The following C11orf65 variants were observed in gnomAD, a reference collection of about 807,000 sequenced individuals.
C11orf65 encodes the protein protein MFI.
C11orf65 carries 38 observed loss-of-function variants against 35.3 expected under a neutral mutation model. That is an observed-to-expected ratio of 1.08 (90% CI 0.83 to 1.41). C11orf65 has a LOEUF of 1.41. Ranked by LOEUF, C11orf65 falls within the 40% of genes most tolerant of loss-of-function variation. C11orf65 has a pLI of 0.00. For missense variants in C11orf65, 370 were observed against 367.1 expected, an observed-to-expected ratio of 1.01 and a Z score of -0.06; for synonymous variants, 105 against 114.4, an observed-to-expected ratio of 0.92 and a Z score of 0.53.
chr11:108,414,202 A>T (rs1048158253), intron 3 of C11orf65, among the ~76,000 whole-genome samples: 1 of 152,058 alleles, frequency 6.6e-6, no homozygotes, highest in African/African-American at 2.4e-5. Context: ...GATATTACAC[A>T]TTACTAATAT....
At chr11:108,354,786 G>T (rs749333397) in intron 2 of C11orf65, 1 of 1,600,878 alleles carries the variant, frequency 6.2e-7, no homozygotes, top group Non-Finnish European at 8.6e-7. Flanking sequence ...AACAAAATCC[G>T]TATTTATAAT....
downstream of C11orf65, among the ~76,000 whole-genome samples, chr11:108,326,638 A>G (rs2085710202): frequency 6.6e-6 from 1 of 152,216 alleles, no homozygotes; most frequent in South Asian, 2.1e-4. Context: ...CTTTGAAAAT[A>G]TCACATCTAA....
Position 108,450,624 on chromosome 11 carries a change from TG to T in C11orf65, c.81+10854del, listed in dbSNP as rs1309344902. Among the ~76,000 whole-genome samples, 8 of 74,592 alleles carry T rather than the reference TG, an allele frequency of 1.1e-4. 1 individual carries two copies. Among genetic ancestry groups the T allele is most frequent in the Admixed American group, 6.3e-4 (3 of 4,768 alleles). 48.9% of individuals were successfully genotyped at this position (74,592 alleles called of 152,430 possible). On this transcript the variant is annotated intron_variant, in intron 2 of 8. Coordinates refer to ENST00000393084, the MANE Select transcript of C11orf65 (RefSeq NM_152587.5). ...GAACATCACACTCCAGGGACTGTTG[TG>T]GGGTGGGGGGAGGGGGGAGGGATAG...
chr11:108,448,576 A>G (rs1259823971), intron 2 of C11orf65, among the ~76,000 whole-genome samples: 1 of 152,226 alleles, frequency 6.6e-6, no homozygotes, highest in Admixed American at 6.5e-5. Flanking sequence ...CTTTGACAAA[A>G]TTCAACAACC....
intron 2 of C11orf65, among the ~76,000 whole-genome samples, chr11:108,451,725 T>C (rs1324070349): frequency 6.6e-6 from 1 of 152,300 alleles, no homozygotes; most frequent in East Asian, 1.9e-4. Context: ...AGAACAAAGC[T>C]GGAGGCATCA....
chr11:108,312,323 T>G, intron 6 of C11orf65: 1 of 1,006,502 alleles, frequency 9.9e-7, no homozygotes, highest in South Asian at 1.4e-5. Flanking sequence ...CCTTCATTAG[T>G]TTTTTTCTGT....
chr11:108,426,611 C>T (rs879820134), intron 3 of C11orf65, among the ~76,000 whole-genome samples: 1 of 152,046 alleles, frequency 6.6e-6, no homozygotes, highest in Admixed American at 6.5e-5. Flanking sequence ...CCCCATCAAG[C>T]TACCATTGAC....
At chr11:108,445,173 T>G (rs1420023058) in intron 2 of C11orf65, among the ~76,000 whole-genome samples, 1 of 152,186 alleles carries the variant, frequency 6.6e-6, no homozygotes, top group South Asian at 2.1e-4. Context: ...GCTCCACCTC[T>G]GGGGGAAGGG....
chr11:108,346,193 C>G (rs1379354889), intron 2 of C11orf65, among the ~76,000 whole-genome samples: 5 of 152,006 alleles, frequency 3.3e-5, no homozygotes, highest in Non-Finnish European at 4.4e-5. Flanking sequence ...CATATTTTCT[C>G]TCCTCTCAAT....
At chr11:108,363,719 C>G (rs181166720) in intron 2 of C11orf65, among the ~76,000 whole-genome samples, 2 of 152,304 alleles carry the variant, frequency 1.3e-5, no homozygotes, top group Admixed American at 6.5e-5. Context: ...TTTACTGTTT[C>G]CAACCACTTC....
chr11:108,455,815 C>CAA (rs112701513), intron 2 of C11orf65, among the ~76,000 whole-genome samples: 6,568 of 55,976 alleles, frequency 0.12, 520 homozygotes, highest in Non-Finnish European at 0.14. Flanking sequence ...GACTCCACCT[C>CAA]AAAAAAAAAA....
At chr11:108,332,724 T>G (rs1228903980) in intron 3 of C11orf65, 1 of 1,597,856 alleles carries the variant, frequency 6.3e-7, no homozygotes. Flanking sequence ...AAATGTTGGG[T>G]AGTTCCTTAT....
intron 1 of C11orf65, among the ~76,000 whole-genome samples, chr11:108,466,959 C>T (rs1418720356): frequency 1.4e-5 from 2 of 139,732 alleles, no homozygotes; most frequent in Non-Finnish European, 3.1e-5. Flanking sequence ...TACCTGTGGT[C>T]CTTGATGCTA....
At chr11:108,340,165 A>C (rs1474284010) in intron 2 of C11orf65, 1 of 152,120 alleles carries the variant, frequency 6.6e-6, no homozygotes, top group Non-Finnish European at 1.5e-5. Flanking sequence ...TTTTCTTTTT[A>C]CTTTTATTAT....
chr11:108,413,167 G>A (rs1943651786), intron 3 of C11orf65, among the ~76,000 whole-genome samples: 3 of 152,032 alleles, frequency 2.0e-5, no homozygotes, highest in African/African-American at 4.8e-5. Context: ...CCACGTTCTG[G>A]GCCATAAAAC....
downstream of C11orf65, among the ~76,000 whole-genome samples, chr11:108,326,837 A>AT (rs2136352959): frequency 6.6e-6 from 1 of 151,978 alleles, no homozygotes; most frequent in South Asian, 2.1e-4. Context: ...TTATTTATTT[A>AT]TTTTTTGAGA....
chr11:108,452,773 G>A (rs2093365211), intron 2 of C11orf65, among the ~76,000 whole-genome samples: 1 of 152,146 alleles, frequency 6.6e-6, no homozygotes, highest in South Asian at 2.1e-4. Context: ...ATGATAGACT[G>A]GATTAAGAAA....
intron 6 of C11orf65, among the ~76,000 whole-genome samples, chr11:108,324,687 T>A (rs987325597): frequency 6.6e-6 from 1 of 152,230 alleles, no homozygotes; most frequent in South Asian, 2.1e-4. Context: ...TTCCTCTTTC[T>A]TATTTCTTTC....
intron 2 of C11orf65, among the ~76,000 whole-genome samples, chr11:108,436,585 A>G (rs1051424860): frequency 1.3e-5 from 2 of 152,212 alleles, no homozygotes; most frequent in Non-Finnish European, 2.9e-5. Flanking sequence ...TGCCAAGGTG[A>G]CAAGGGGTAG....
Sources: allele counts gnomAD v4.1 joint callset (sites outside exome capture counted in the v4.1 genomes callset), GRCh38; gene constraint gnomAD v4.1.1; transcripts MANE v1.5; gene names NCBI Gene and HGNC (gene_info 2026-07-23, HGNC 2026-07-21).